EXOC4: variants seen among roughly 807,000 people sequenced by gnomAD.
The protein encoded by EXOC4 is exocyst complex component 4.
In EXOC4, 71 loss-of-function variants were observed where a neutral mutation model predicts 107.2. The observed-to-expected ratio is 0.66, with a 90% CI of 0.55 to 0.81. The LOEUF is 0.81. Ranked by LOEUF, EXOC4 falls within the 30% of genes least tolerant of loss-of-function variation. EXOC4 has a pLI of 0.00. For missense variants in EXOC4, 1,108 were observed against 1,189.6 expected (o/e 0.93, Z 1.01); for synonymous variants, 456 against 441.2 (o/e 1.03, Z -0.42).
intron 10 of EXOC4, among the ~76,000 whole-genome samples, chr7:133,813,691 A>G (rs897668520): frequency 2.0e-5 from 3 of 152,008 alleles, no homozygotes; most frequent in African/African-American, 7.3e-5. Context: ...AAGATCCATT[A>G]TATTTTGGTT....
intron 9 of EXOC4, among the ~76,000 whole-genome samples, chr7:133,602,314 A>G (rs1199516864): frequency 2.0e-5 from 3 of 152,214 alleles, no homozygotes; most frequent in Admixed American, 2.0e-4. Flanking sequence ...TAGTAGGGTC[A>G]TATCCTAGAA....
chr7:133,319,836 T>C (rs1795071764), intron 5 of EXOC4, among the ~76,000 whole-genome samples: 2 of 132,770 alleles, frequency 1.5e-5, no homozygotes, highest in Admixed American at 1.5e-4. Flanking sequence ...CTTGATCGTG[T>C]GCTTTTTTTT....
chr7:133,630,119 G>T lies in EXOC4; in HGVS notation c.1492G>T (p.Val498Phe). Residue 498 changes from valine to phenylalanine, a missense_variant, in exon 10 of 18, where the codon GTC (valine) becomes TTC (phenylalanine). Val to Phe is a conservative substitution (Grantham distance 50, BLOSUM62 -1). Coordinates refer to ENST00000253861, the MANE Select transcript of EXOC4 (RefSeq NM_021807.4). ...CAAACCTGGAGCCAGAAACATTACC[G>T]TCATATTCCACCCATTACTAAGGTA... ...VCKPGARNIT[V>F]IFHPLLRFIQ... The T allele has an allele frequency of 1.9e-6, 3 of 1,613,382 alleles. No homozygotes were observed. The highest frequency in any genetic ancestry group is 2.5e-6 in the Non-Finnish European group (3 of 1,179,494).
In EXOC4 at chr7:133,381,923, T is replaced by C. The variant is rs563468186; in HGVS notation, c.1182+6921T>C. Among the ~76,000 whole-genome samples the C allele has an allele frequency of 2.0e-5, 3 of 152,266 alleles. No individual in the cohort carries two copies. The South Asian group carries it at 6.2e-4, about 32-fold the overall frequency. On this transcript the variant is annotated intron_variant, in intron 7 of 17. Coordinates refer to ENST00000253861, the MANE Select transcript of EXOC4 (RefSeq NM_021807.4). The stretch of plus-strand genomic sequence containing the variant: ...CATTATGTGGGAACATATTAAAAAA[T>C]GCAGATTTGTATCCCCACCTTTGAT...
At chr7:133,661,590 C>T (rs1317561176) in intron 10 of EXOC4, among the ~76,000 whole-genome samples, 1 of 148,312 alleles carries the variant, frequency 6.7e-6, no homozygotes, top group Non-Finnish European at 1.5e-5. Context: ...GGCTTTGGAG[C>T]CCCCCTCCTT....
At chr7:133,698,468 G>A (rs761164786) in intron 10 of EXOC4, among the ~76,000 whole-genome samples, 19 of 151,756 alleles carry the variant, frequency 1.3e-4, no homozygotes, top group Non-Finnish European at 8.8e-5. Context: ...TTTAGTCCCA[G>A]CTACTTGGGA....
At chr7:133,716,767 C>T (rs1183524954) in intron 10 of EXOC4, among the ~76,000 whole-genome samples, 1 of 151,992 alleles carries the variant, frequency 6.6e-6, no homozygotes, top group African/African-American at 2.4e-5. Context: ...ATGGTGAAAC[C>T]TCGTCTTTAC....
Position 133,529,274 on chromosome 7 carries a change from A to C in EXOC4, c.1417+49136A>C, listed in dbSNP as rs1391290562. Among the ~76,000 whole-genome samples, 9 of 152,138 alleles carry C rather than the reference A, an allele frequency of 5.9e-5. No individual in the cohort carries two copies. The East Asian group carries it at 1.7e-3, about 29-fold the overall frequency. On this transcript the variant is annotated intron_variant, in intron 9 of 17. Coordinates refer to ENST00000253861, the MANE Select transcript of EXOC4 (RefSeq NM_021807.4). ...TATTTAAAAAATAAAACCCTAGTGT[A>C]ATTAGTACATATCACTTGGTTATGT...
At chr7:133,275,265 TAAC>T in intron 2 of EXOC4, 94 bp downstream of exon 2, 1 of 1,028,812 alleles carries the variant, frequency 9.7e-7, no homozygotes, top group South Asian at 3.2e-5. Context: ...TAATGGTCCT[TAAC>T]AAAGTGATTC....
chr7:134,073,230 A>AAAAAAAAAAC, the EXOC4 span, among the ~76,000 whole-genome samples: 20 of 18,420 alleles, frequency 1.1e-3, 2 homozygotes, highest in African/African-American at 3.2e-3. Flanking sequence ...AAAAAAAAAA[A>AAAAAAAAAAC]AACAACAAAG....
At chr7:133,818,631 G>A (rs1797432202) in intron 11 of EXOC4, among the ~76,000 whole-genome samples, 1 of 152,152 alleles carries the variant, frequency 6.6e-6, no homozygotes, top group Non-Finnish European at 1.5e-5. Context: ...GATCTGTACT[G>A]AGTGTTGGGT....
At chr7:133,610,966 G>A (rs1467385124) in intron 9 of EXOC4, among the ~76,000 whole-genome samples, 2 of 147,294 alleles carry the variant, frequency 1.4e-5, no homozygotes, top group Non-Finnish European at 3.0e-5. Context: ...CATGCACCAC[G>A]ATTCCTGGCT....
chr7:133,855,092 A>AAAT (rs1798328600), intron 11 of EXOC4, among the ~76,000 whole-genome samples: 2 of 49,368 alleles, frequency 4.1e-5, no homozygotes, highest in African/African-American at 3.0e-4. Context: ...AATATATATA[A>AAAT]ATATATATAT....
At chr7:133,632,998 C>A (rs1802625746) in intron 10 of EXOC4, among the ~76,000 whole-genome samples, 1 of 152,150 alleles carries the variant, frequency 6.6e-6, no homozygotes, top group Non-Finnish European at 1.5e-5. Context: ...GACAAATAAT[C>A]TTGGTTCAGG....
intron 7 of EXOC4, among the ~76,000 whole-genome samples, chr7:133,444,548 T>C (rs922805095): frequency 6.6e-6 from 1 of 152,214 alleles, no homozygotes; most frequent in Non-Finnish European, 1.5e-5. Context: ...GGGTAATTCC[T>C]TACTGATGAC....
chr7:133,662,802 G>T (rs1240604451), intron 10 of EXOC4, among the ~76,000 whole-genome samples: 1 of 152,128 alleles, frequency 6.6e-6, no homozygotes, highest in African/African-American at 2.4e-5. Context: ...GAAGTATTTT[G>T]CTAAGAAGCA....
In EXOC4 at chr7:133,686,660, C is replaced by T. The variant is rs543310148; in HGVS notation, c.1514+56519C>T. On this transcript the variant is annotated intron_variant, in intron 10 of 17. Coordinates refer to ENST00000253861, the MANE Select transcript of EXOC4 (RefSeq NM_021807.4). ...ATCAGGGAAATGCAAATCAAAACCACAATGCGATACCACCTTACATCTGCA... is the reference window on the plus strand; with the variant it reads ...ATCAGGGAAATGCAAATCAAAACCATAATGCGATACCACCTTACATCTGCA... 1.6e-4 allele frequency among the ~76,000 whole-genome samples: 25 copies of T among 152,206 alleles called. No homozygotes were observed. The South Asian group carries it at 2.9e-3, about 18-fold the overall frequency.
Position 133,687,031 on chromosome 7 carries a change from G to A in EXOC4, c.1514+56890G>A, listed in dbSNP as rs911447340. On this transcript the variant is annotated intron_variant, in intron 10 of 17. Coordinates refer to ENST00000253861, the MANE Select transcript of EXOC4 (RefSeq NM_021807.4). ...TGTGTGTGTGTGTGTGTGTGTGTGT[G>A]TGTGTGTCTGTGTGTGTGTGTGATG... Among the ~76,000 whole-genome samples the A allele has an allele frequency of 2.7e-5, 4 of 147,194 alleles. No homozygotes were observed. The East Asian group carries it at 8.0e-4, about 30-fold the overall frequency.
At chr7:133,298,340 G>A (rs989976806) in intron 3 of EXOC4, among the ~76,000 whole-genome samples, 3 of 152,284 alleles carry the variant, frequency 2.0e-5, no homozygotes, top group African/African-American at 7.2e-5. Context: ...TGAAGTGCGA[G>A]CCTGAAGTGA....
Sources: allele counts gnomAD v4.1 joint callset (sites outside exome capture counted in the v4.1 genomes callset), GRCh38; gene constraint gnomAD v4.1.1; transcripts MANE v1.5; gene names NCBI Gene and HGNC (gene_info 2026-07-23, HGNC 2026-07-21).